The following OTOA variants were observed in gnomAD, a reference collection of about 807,000 sequenced individuals.
OTOA encodes otoancorin, also known as cancer/testis antigen 108.
Under a neutral mutation model 110.8 loss-of-function variants are expected in OTOA, and 70 were observed. That is an observed-to-expected ratio of 0.63 (90% confidence interval 0.52 to 0.77). OTOA has a LOEUF of 0.77. OTOA is among the 30% of genes least tolerant of loss of function. OTOA has a pLI of 0.00. For synonymous variants in OTOA, 373 were observed against 431.5 expected, an observed-to-expected ratio of 0.86 and a Z score of 1.68; for missense variants, 917 against 1,075.8, an observed-to-expected ratio of 0.85 and a Z score of 2.06.
At chr16:21,714,462 T>TCTTC (rs1297198236) in intron 13 of OTOA, among the ~76,000 whole-genome samples, 1 of 141,960 alleles carries the variant, frequency 7.0e-6, no homozygotes, top group East Asian at 2.0e-4. Flanking sequence ...CTCTCTCTCT[T>TCTTC]CTTTCTTTCT....
At chr16:21,670,818 AG>A in intron 1 of OTOA, among the ~76,000 whole-genome samples, 1 of 152,212 alleles carries the variant, frequency 6.6e-6, no homozygotes, top group Non-Finnish European at 1.5e-5. Flanking sequence ...AATTCAGGGA[AG>A]GCTTCATTGA....
intron 9 of OTOA, among the ~76,000 whole-genome samples, chr16:21,695,762 G>C (rs1341074417): frequency 6.6e-6 from 1 of 150,552 alleles, no homozygotes; most frequent in African/African-American, 2.5e-5. Context: ...TTCCCCAAAT[G>C]CCTCCAATAC....
chr16:21,664,672 G>A (rs1330716024), intron 1 of OTOA, among the ~76,000 whole-genome samples: 4 of 152,008 alleles, frequency 2.6e-5, no homozygotes, highest in Non-Finnish European at 4.4e-5. Flanking sequence ...CAGTTGTGTG[G>A]AAGAAATGGA....
chr16:21,666,805 T>C (rs1966840960), intron 1 of OTOA, among the ~76,000 whole-genome samples: 1 of 152,052 alleles, frequency 6.6e-6, no homozygotes. Context: ...ACCAATCTGC[T>C]AAAAAAGTGA....
In OTOA at chr16:21,684,553, G is replaced by A. The variant is rs931046043; in HGVS notation, c.268-677G>A. 12 of 1,548,734 alleles carry A rather than the reference G, an allele frequency of 7.7e-6. No homozygotes were observed. In the Admixed American group the frequency reaches 2.2e-4, roughly 28 times the overall value. On this transcript the variant is annotated intron_variant, in intron 6 of 28. Transcript: ENST00000646100. ...AAACTCAATCACCTACAGGGACCAG[G>A]CAGGCCATGGAATGGGGGAATCGGG...
intron 8 of OTOA, 91 bp downstream of exon 8, chr16:21,687,739 C>T (rs1897748689): frequency 9.0e-7 from 1 of 1,105,522 alleles, no homozygotes. Context: ...GCAGTCTCGG[C>T]TCACTGCAAC....
chr16:21,737,938 T>G (rs1376116941), intron 22 of OTOA, among the ~76,000 whole-genome samples: 1 of 152,312 alleles, frequency 6.6e-6, no homozygotes, highest in African/African-American at 2.4e-5. Context: ...CTTGCTTTCA[T>G]CCACCCAACA....
rs1272212525 is a variant in OTOA, at chr16:21,687,563, C to T, written c.550C>T (p.Leu184=). The T allele has an allele frequency of 6.2e-7, 1 of 1,613,930 alleles. No individual in the cohort carries two copies. Among genetic ancestry groups the T allele is most frequent in the Admixed American group, 1.7e-5 (1 of 60,000 alleles). ...LECVEILGKV[L]RGSSGSFLQP... Reference sequence around the variant, plus strand: ...GTGTGTGGAGATCCTGGGCAAGGTGCTGAGGGGGTCCTCAGGGAGCTTTCT... The same window carrying T: ...GTGTGTGGAGATCCTGGGCAAGGTGTTGAGGGGGTCCTCAGGGAGCTTTCT... The change falls in exon 8 of 29, where the codon CTG becomes TTG. Residue 184 remains leucine (L), a synonymous_variant. Coordinates refer to ENST00000646100, the MANE Select transcript of OTOA (RefSeq NM_144672.4).
chr16:21,709,786 G>T, intron 12 of OTOA, 102 bp from the exon 13 acceptor site: 1 of 1,032,714 alleles, frequency 9.7e-7, no homozygotes, highest in Non-Finnish European at 1.5e-6. Context: ...ATGGAACAGG[G>T]TCAAGGGAGG....
Position 21,705,634 on chromosome 16 carries a change from A to G in OTOA, c.1104+342A>G, listed in dbSNP as rs1009621248. Among the ~76,000 whole-genome samples the G allele has an allele frequency of 2.6e-5, 4 of 151,416 alleles. No individual in the cohort carries two copies. In the South Asian group the frequency reaches 8.4e-4, roughly 32 times the overall value. On this transcript the variant is annotated intron_variant, in intron 12 of 28. Coordinates refer to ENST00000646100, the MANE Select transcript of OTOA (RefSeq NM_144672.4). ...ATACCAGCCTGGTCAACATCATGAG[A>G]CCCTTGTCTCTGCAAAAAATACAAA...
intron 1 of OTOA, among the ~76,000 whole-genome samples, chr16:21,669,268 G>A (rs1245288635): frequency 6.6e-6 from 1 of 152,062 alleles, no homozygotes; most frequent in Non-Finnish European, 1.5e-5. Context: ...ACTTGAACCT[G>A]GGAGGCAGAG....
At chr16:21,718,886 C>T (rs527880956) in intron 15 of OTOA, among the ~76,000 whole-genome samples, 8 of 152,176 alleles carry the variant, frequency 5.3e-5, no homozygotes, top group Non-Finnish European at 1.2e-4. Flanking sequence ...TGCCTCTCAT[C>T]TGCCTCATGG....
intron 1 of OTOA, among the ~76,000 whole-genome samples, chr16:21,666,383 C>G (rs1422897954): frequency 6.6e-6 from 1 of 151,480 alleles, no homozygotes; most frequent in Non-Finnish European, 1.5e-5. Context: ...TGGTTTGTGT[C>G]TGGGCTGGGG....
chr16:21,679,806 C>A (rs561719603), intron 5 of OTOA, among the ~76,000 whole-genome samples: 1 of 152,234 alleles, frequency 6.6e-6, no homozygotes, highest in South Asian at 2.1e-4. Context: ...CAATGTAGTT[C>A]CCATTGTTAT....
chr16:21,760,222 C>T (rs62045990), intron 28 of OTOA, among the ~76,000 whole-genome samples: 5,068 of 151,780 alleles, frequency 0.033, 135 homozygotes, highest in Non-Finnish European at 0.044. Context: ...TCAGAATCTC[C>T]AGGGGATCCT....
At chr16:21,671,552 A>G (rs1256430947) in intron 1 of OTOA, among the ~76,000 whole-genome samples, 1 of 145,764 alleles carries the variant, frequency 6.9e-6, no homozygotes, top group Non-Finnish European at 1.5e-5. Context: ...GCACCACTGC[A>G]CTCCAGCCTG....
chr16:21,681,350 G>C (rs1342431908), intron 5 of OTOA, among the ~76,000 whole-genome samples: 1 of 152,038 alleles, frequency 6.6e-6, no homozygotes, highest in Non-Finnish European at 1.5e-5. Flanking sequence ...CAGTACTTTG[G>C]GAGGCAGAGG....
chr16:21,717,263 A>G (rs574429449), intron 15 of OTOA, among the ~76,000 whole-genome samples: 2 of 152,218 alleles, frequency 1.3e-5, no homozygotes, highest in Non-Finnish European at 2.9e-5. Flanking sequence ...ATAGCAAGCA[A>G]GATCCTGTCT....
intron 6 of OTOA, among the ~76,000 whole-genome samples, chr16:21,683,823 C>G (rs1488464746): frequency 1.3e-5 from 2 of 150,258 alleles, no homozygotes; most frequent in African/African-American, 4.9e-5. Context: ...GGCTGGAGTG[C>G]AGTGGTGCCA....
Sources: allele counts gnomAD v4.1 joint callset (sites outside exome capture counted in the v4.1 genomes callset), GRCh38; gene constraint gnomAD v4.1.1; transcripts MANE v1.5; gene names NCBI Gene and HGNC (gene_info 2026-07-23, HGNC 2026-07-21).